DNAJC7: variants seen among roughly 807,000 people sequenced by gnomAD.
DNAJC7 encodes dnaJ homolog subfamily C member 7.
In DNAJC7, 18 loss-of-function variants were observed where a neutral mutation model predicts 67.4. The observed-to-expected ratio is 0.27, with a 90% CI of 0.18 to 0.40. The LOEUF (loss-of-function observed/expected upper bound fraction) is 0.40. DNAJC7 is among the 10% of genes least tolerant of loss of function. The pLI, the probability that DNAJC7 is intolerant of heterozygous loss-of-function variation, is 1.00. For synonymous variants in DNAJC7, 220 were observed against 207.8 expected (o/e 1.06, Z -0.50); for missense variants, 419 against 613.8 (o/e 0.68, Z 3.35).
At chr17:42,016,143 T>C (rs562042176) in intron 1 of DNAJC7, 2 of 152,332 alleles carry the variant, frequency 1.3e-5, no homozygotes, top group South Asian at 4.1e-4. Context: ...TTACACTTTG[T>C]CAGGCCCCTC....
intron 1 of DNAJC7, chr17:42,015,932 G>A (rs2052267600): frequency 6.6e-6 from 1 of 152,210 alleles, no homozygotes; most frequent in African/African-American, 2.4e-5. Flanking sequence ...CCAAATACAA[G>A]TAAATCTCTA....
At chr17:41,995,169 G>A (rs1013933333) in intron 4 of DNAJC7, among the ~76,000 whole-genome samples, 1 of 152,168 alleles carries the variant, frequency 6.6e-6, no homozygotes, top group African/African-American at 2.4e-5. Context: ...GCATTCCCTA[G>A]AGAGAGGTGG....
Position 41,989,550 on chromosome 17 carries a change from G to C in DNAJC7, c.607C>G (p.Leu203Val). The C allele has an allele frequency of 6.2e-7, 1 of 1,613,890 alleles. No individual in the cohort carries two copies. Among genetic ancestry groups the C allele is most frequent in the Non-Finnish European group, 8.5e-7 (1 of 1,179,858 alleles). Reference sequence around the variant, plus strand: ...TCTGCATTGGTGGAATCCATTCGTAGAATGTCACTGCAATAGTCAGAAAAG... The same window carrying C: ...TCTGCATTGGTGGAATCCATTCGTACAATGTCACTGCAATAGTCAGAAAAG... ...PEAQSVASDI[L>V]RMDSTNADAL... Residue 203 changes from leucine to valine, a missense_variant, in exon 7 of 14, where the codon CTA becomes GTA. By Grantham distance (32) the Leu-to-Val change is conservative. Transcript: ENST00000457167.
chr17:42,014,414 C>A (rs1023956719), intron 1 of DNAJC7: 1 of 152,112 alleles, frequency 6.6e-6, no homozygotes. Flanking sequence ...GATCCGCCCA[C>A]CTCAGCCTCC....
chr17:41,980,879 T>C (rs2051231282), intron 12 of DNAJC7, among the ~76,000 whole-genome samples: 1 of 152,212 alleles, frequency 6.6e-6, no homozygotes, highest in East Asian at 1.9e-4. Flanking sequence ...TTCCAGATAA[T>C]AGGAAAATGC....
chr17:41,980,533 G>A (rs868911105), intron 12 of DNAJC7, among the ~76,000 whole-genome samples: 7 of 152,268 alleles, frequency 4.6e-5, no homozygotes, highest in Middle Eastern at 3.4e-3. Context: ...CCACAGGCAT[G>A]CACCACCATG....
chr17:42,000,452 T>C lies in DNAJC7; in HGVS notation c.166+30A>G, dbSNP rs781850234. 12 of 1,531,866 alleles carry C rather than the reference T, an allele frequency of 7.8e-6. No individual in the cohort carries two copies. In the East Asian group the frequency reaches 2.7e-4, roughly 35 times the overall value. The allele number at this position is 1,531,866 out of a possible 1,614,324, so 94.9% of individuals were successfully genotyped here. ...TTAATAATATTTGGCAAGTAAATGTTTTCTAGCGTAAGTATCAGTTCTTTC... is the reference window on the plus strand; with the variant it reads ...TTAATAATATTTGGCAAGTAAATGTCTTCTAGCGTAAGTATCAGTTCTTTC... On this transcript the variant is annotated intron_variant, in intron 2 of 13. Coordinates refer to ENST00000457167, the MANE Select transcript of DNAJC7 (RefSeq NM_003315.4).
chr17:41,981,610 A>T, intron 12 of DNAJC7: 1 of 478,348 alleles, frequency 2.1e-6, no homozygotes, highest in Non-Finnish European at 3.7e-6. Flanking sequence ...GATTACAGGC[A>T]TGACCCATGG....
At position 41,988,825 on chromosome 17, in the gene DNAJC7, T is replaced by A; in HGVS notation, c.825A>T (p.Ala275=). 1.2e-6 allele frequency: 2 copies of A among 1,613,962 alleles called. No individual in the cohort carries two copies. The highest frequency in any genetic ancestry group is 1.7e-6 in the Non-Finnish European group (2 of 1,179,870). Reference sequence around the variant, plus strand: ...CCAGGGCTTCTGTGTACAGTTCATATGCTAGTTTGTAATTTCCTTCCTTAA... The same window carrying A: ...CCAGGGCTTCTGTGTACAGTTCATAAGCTAGTTTGTAATTTCCTTCCTTAA... ...KAFKEGNYKL[A]YELYTEALGI... Residue 275 remains alanine, a synonymous_variant, in exon 8 of 14, where the codon GCA becomes GCT. Coordinates refer to ENST00000457167, the MANE Select transcript of DNAJC7 (RefSeq NM_003315.4).
chr17:41,988,557 A>T (rs1423168786), intron 8 of DNAJC7, among the ~76,000 whole-genome samples, 175 bp downstream of exon 8: 1 of 152,230 alleles, frequency 6.6e-6, no homozygotes, highest in Non-Finnish European at 1.5e-5. Context: ...ACTGCCCTCA[A>T]ATTCCATAGA....
chr17:41,996,751 C>A (rs138891013), intron 3 of DNAJC7, among the ~76,000 whole-genome samples: 1 of 152,246 alleles, frequency 6.6e-6, no homozygotes, highest in Non-Finnish European at 1.5e-5. Flanking sequence ...CCACTGCACT[C>A]CAGCCTGGGC....
chr17:42,013,564 A>G (rs1460031391), intron 1 of DNAJC7: 1 of 152,282 alleles, frequency 6.6e-6, no homozygotes, highest in Non-Finnish European at 1.5e-5. Flanking sequence ...TAGGAGGACC[A>G]TAACAACAGA....
At chr17:41,996,979 G>A (rs989891461) in intron 3 of DNAJC7, 136 bp downstream of exon 3, 1 of 1,367,904 alleles carries the variant, frequency 7.3e-7, no homozygotes, top group Non-Finnish European at 9.9e-7. Flanking sequence ...ACAACCCACA[G>A]TGCACAGTAA....
At chr17:41,993,435 G>A (rs1555648059) in intron 5 of DNAJC7, among the ~76,000 whole-genome samples, 1 of 151,982 alleles carries the variant, frequency 6.6e-6, no homozygotes, top group African/African-American at 2.4e-5. Flanking sequence ...CTCCAGCCTG[G>A]GCAACAGACC....
chr17:42,005,101 C>A (rs1459545159), intron 1 of DNAJC7, among the ~76,000 whole-genome samples: 2 of 152,190 alleles, frequency 1.3e-5, no homozygotes, highest in East Asian at 3.8e-4. Flanking sequence ...TCGTTAAAAT[C>A]TGTATATCCT....
In DNAJC7 at chr17:41,982,311, G is replaced by A; in HGVS notation, c.1175C>T (p.Ala392Val). ...YYKILGVDKN[A>V]SEDEIKKAYR... is the part of the protein sequence containing the mutation. ...AGCTTTCTTGATCTCGTCCTCAGAG[G>A]CATTCTTGTCCACTCCTAGAATCTT... The change falls in exon 11 of 14, where the codon GCC becomes GTC. Residue 392 changes from alanine (A) to valine (V), a missense_variant. Coordinates refer to ENST00000457167, the MANE Select transcript of DNAJC7 (RefSeq NM_003315.4). 1.2e-6 allele frequency: 2 copies of A among 1,613,980 alleles called. No individual in the cohort carries two copies. Among genetic ancestry groups the A allele is most frequent in the South Asian group, 2.2e-5 (2 of 91,086 alleles).
rs561377699 is a variant in DNAJC7 at position 41,991,949 on chromosome 17, G to A, written c.481-1567C>T. Among the ~76,000 whole-genome samples the A allele has an allele frequency of 3.3e-5, 5 of 152,316 alleles. No homozygotes were observed. The South Asian group carries it at 1.0e-3, about 32-fold the overall frequency. ...TCCTGCCTTGGCCTCCCAAAGTGCT[G>A]GGATTACAAGCATAAGCCACTGCAT... On this transcript the variant is annotated intron_variant, in intron 5 of 13. Coordinates refer to ENST00000457167, the MANE Select transcript of DNAJC7 (RefSeq NM_003315.4).
At chr17:42,016,864 C>T (rs1555651986) in intron 1 of DNAJC7, 1 of 825,594 alleles carries the variant, frequency 1.2e-6, no homozygotes, top group African/African-American at 1.9e-5. Context: ...ACAATCACTT[C>T]GAACCCAGAC....
At chr17:42,016,280 G>C (rs2052283283) in intron 1 of DNAJC7, 1 of 152,144 alleles carries the variant, frequency 6.6e-6, no homozygotes, top group South Asian at 2.1e-4. Context: ...TCAGAATCCT[G>C]ATTTCAGATC....
Sources: allele counts gnomAD v4.1 joint callset (sites outside exome capture counted in the v4.1 genomes callset), GRCh38; gene constraint gnomAD v4.1.1; transcripts MANE v1.5; gene names NCBI Gene and HGNC (gene_info 2026-07-23, HGNC 2026-07-21).